Variants in NFIL3 observed in about 807,000 individuals in gnomAD.
NFIL3 encodes nuclear factor interleukin-3-regulated protein.
A neutral mutation model predicts 10.0 loss-of-function variants in NFIL3; 5 were observed. The ratio of observed to expected loss-of-function variants is 0.50; its 90% CI spans 0.26 to 1.06. NFIL3 has a LOEUF of 1.06. Ranked by LOEUF, NFIL3 falls within the 50% of genes least tolerant of loss-of-function variation. The pLI is 0.13. For synonymous variants in NFIL3, 202 were observed against 206.5 expected, an observed-to-expected ratio of 0.98 and a Z score of 0.19; for missense variants, 436 against 547.6, an observed-to-expected ratio of 0.80 and a Z score of 2.03.
the NFIL3 span, among the ~76,000 whole-genome samples, chr9:91,438,323 CT>C: frequency 6.6e-6 from 1 of 152,036 alleles, no homozygotes; most frequent in Non-Finnish European, 1.5e-5. Context: ...GGAGAAATGT[CT>C]ATTCAGGTTC....
the NFIL3 span, among the ~76,000 whole-genome samples, chr9:91,451,112 G>T: frequency 6.6e-6 from 1 of 152,004 alleles, no homozygotes; most frequent in South Asian, 2.1e-4. Context: ...CCTGGCTTTG[G>T]TTCCTACCTT....
At chr9:91,422,065 T>A (rs1039451295) in intron 1 of NFIL3, among the ~76,000 whole-genome samples, 1 of 152,332 alleles carries the variant, frequency 6.6e-6, no homozygotes, top group Admixed American at 6.5e-5. Context: ...CCTCACTTAC[T>A]GTTGTTATTT....
At chr9:91,435,072 C>T in the NFIL3 span, among the ~76,000 whole-genome samples, 1 of 152,166 alleles carries the variant, frequency 6.6e-6, no homozygotes, top group Admixed American at 6.5e-5. Context: ...TGCATTCCCC[C>T]AAAGTACCTA....
the NFIL3 span, among the ~76,000 whole-genome samples, chr9:91,431,525 G>A: frequency 6.6e-6 from 1 of 152,164 alleles, no homozygotes; most frequent in African/African-American, 2.4e-5. Context: ...CGGGAACAGA[G>A]CCTGAGCTTA....
At chr9:91,450,842 C>A in the NFIL3 span, among the ~76,000 whole-genome samples, 12 of 152,044 alleles carry the variant, frequency 7.9e-5, no homozygotes, top group Admixed American at 5.2e-4. Context: ...GTATATTTCT[C>A]CCTTCAATTT....
intron 1 of NFIL3, among the ~76,000 whole-genome samples, chr9:91,422,017 A>T (rs972433222): frequency 1.3e-5 from 2 of 152,188 alleles, no homozygotes; most frequent in Admixed American, 1.3e-4. Flanking sequence ...TGTTTCCCAT[A>T]GGTCATATCT....
the NFIL3 span, among the ~76,000 whole-genome samples, chr9:91,447,893 T>C: frequency 2.6e-5 from 4 of 152,218 alleles, no homozygotes; most frequent in African/African-American, 9.6e-5. Flanking sequence ...TGGTGTAATA[T>C]CTAGAAATTT....
At chr9:91,435,133 C>G in the NFIL3 span, among the ~76,000 whole-genome samples, 1 of 152,192 alleles carries the variant, frequency 6.6e-6, no homozygotes, top group African/African-American at 2.4e-5. Context: ...CCACTGCCCC[C>G]ACTAGGCATA....
intron 1 of NFIL3, among the ~76,000 whole-genome samples, chr9:91,413,279 C>T (rs543589383): frequency 8.6e-5 from 13 of 151,418 alleles, no homozygotes; most frequent in South Asian, 8.3e-4. Flanking sequence ...ATAAGAGTCT[C>T]GCTCTGCTGC....
chr9:91,412,596 C>A (rs1329910265), intron 1 of NFIL3, among the ~76,000 whole-genome samples: 4 of 152,158 alleles, frequency 2.6e-5, no homozygotes, highest in Non-Finnish European at 4.4e-5. Context: ...GTAATCCCAG[C>A]ACTTTGGGAG....
the NFIL3 span, among the ~76,000 whole-genome samples, chr9:91,443,004 A>C: frequency 1.3e-5 from 2 of 152,202 alleles, no homozygotes; most frequent in Non-Finnish European, 2.9e-5. Flanking sequence ...CAGGTAAGCA[A>C]GGTGAAGACT....
At chr9:91,448,320 T>C in the NFIL3 span, among the ~76,000 whole-genome samples, 1 of 152,200 alleles carries the variant, frequency 6.6e-6, no homozygotes, top group African/African-American at 2.4e-5. Flanking sequence ...TTACATTTGA[T>C]GAGGACTTCA....
chr9:91,436,576 TCAACAACAACAA>T, the NFIL3 span, among the ~76,000 whole-genome samples: 1,554 of 138,702 alleles, frequency 0.011, 25 homozygotes, highest in African/African-American at 0.037. Context: ...AGACTCTGCC[TCAACAACAACAA>T]CAACAACAAC....
upstream of NFIL3, chr9:91,426,402 T>G (rs1016478474): frequency 6.6e-6 from 1 of 152,190 alleles, no homozygotes; most frequent in East Asian, 1.9e-4. Context: ...AGTAGGTAAG[T>G]ATTTGCAGAT....
chr9:91,423,736 C>T lies in NFIL3; in HGVS notation c.-269G>A. The T allele has an allele frequency of 6.9e-6, 1 of 145,726 alleles. No individual in the cohort carries two copies. The highest frequency in any genetic ancestry group is 2.0e-4 in the South Asian group (1 of 5,058). The allele number at this position is 145,726 out of a possible 1,614,324, so 9.0% of individuals were successfully genotyped here. ...CTCGGGCCGGGCCGGGCCTCCGGGG[C>T]CGCGGCGGGAGGCGGGCGGCGGCGA... On this transcript the variant is annotated 5_prime_UTR_variant, in exon 1 of 2. Transcript: ENST00000297689.
the NFIL3 span, among the ~76,000 whole-genome samples, chr9:91,475,119 T>C: frequency 6.6e-6 from 1 of 152,234 alleles, no homozygotes; most frequent in African/African-American, 2.4e-5. Flanking sequence ...CTCATTTTCT[T>C]GAGCATTCAT....
chr9:91,461,881 A>G, the NFIL3 span, among the ~76,000 whole-genome samples: 1 of 152,158 alleles, frequency 6.6e-6, no homozygotes, highest in Non-Finnish European at 1.5e-5. Flanking sequence ...TAGGAAACAA[A>G]GTGACACACA....
the NFIL3 span, among the ~76,000 whole-genome samples, chr9:91,463,315 G>A: frequency 2.2e-4 from 34 of 151,754 alleles, no homozygotes; most frequent in African/African-American, 8.0e-4. Flanking sequence ...TTGCCAACAT[G>A]CACATTTCAT....
chr9:91,453,161 ATCT>A, the NFIL3 span, among the ~76,000 whole-genome samples: 1 of 152,102 alleles, frequency 6.6e-6, no homozygotes, highest in Non-Finnish European at 1.5e-5. Flanking sequence ...GTTGATGGTC[ATCT>A]TCTTCCTGTG....
Sources: gnomAD v4.1 joint callset for allele counts (sites outside exome capture counted in the v4.1 genomes callset) on GRCh38, gnomAD v4.1.1 for gene constraint, MANE v1.5 for transcripts, NCBI Gene and HGNC (gene_info 2026-07-23, HGNC 2026-07-21) for gene names.